NOS1AP: variants seen among roughly 807,000 people sequenced by gnomAD.
The protein encoded by NOS1AP is carboxyl-terminal PDZ ligand of neuronal nitric oxide synthase protein.
In NOS1AP, 21 loss-of-function variants were observed where a neutral mutation model predicts 56.2. The ratio of observed to expected loss-of-function variants is 0.37; its 90% CI spans 0.26 to 0.54. The LOEUF is 0.54. NOS1AP is among the 20% of genes least tolerant of loss of function. The pLI is 0.84. For synonymous variants in NOS1AP, 270 were observed against 274.6 expected (o/e 0.98, Z 0.17); for missense variants, 522 against 657.8 (o/e 0.79, Z 2.26).
At chr1:162,306,315 T>C (rs965267091) in intron 4 of NOS1AP, among the ~76,000 whole-genome samples, 1 of 152,158 alleles carries the variant, frequency 6.6e-6, no homozygotes, top group African/African-American at 2.4e-5. Flanking sequence ...GCAGGGCTAA[T>C]AGTCATGAAG....
intron 2 of NOS1AP, among the ~76,000 whole-genome samples, chr1:162,179,732 G>A (rs551815130): frequency 1.6e-4 from 25 of 152,246 alleles, no homozygotes; most frequent in Non-Finnish European, 2.6e-4. Context: ...GCACAGGGAG[G>A]GCTGGAGAGA....
Position 162,347,247 on chromosome 1 carries a change from T to C in NOS1AP, c.595+3271T>C, listed in dbSNP as rs532462236. 9.8e-5 allele frequency among the ~76,000 whole-genome samples: 15 copies of C among 152,354 alleles called. 3 individuals are homozygous for C. The South Asian group carries it at 2.7e-3, about 27-fold the overall frequency. ...TTTGGTCATGCCCATGCCCCGTTGG[T>C]GGCCTGATTGGCAGAGAGCCACATC... is the stretch of plus-strand genomic sequence containing the variant. On this transcript the variant is annotated intron_variant, in intron 6 of 9. Transcript: ENST00000361897.
At chr1:162,357,203 G>A (rs758118344) in intron 8 of NOS1AP, 67 bp downstream of exon 8, 9 of 1,566,800 alleles carry the variant, frequency 5.7e-6, no homozygotes, top group African/African-American at 4.1e-5. Context: ...CTTCCCTAGC[G>A]AGGGGCTCAG....
At chr1:162,363,406 C>A (rs868770454) in intron 8 of NOS1AP, 1 of 152,640 alleles carries the variant, frequency 6.6e-6, no homozygotes, top group Non-Finnish European at 1.5e-5. Context: ...CGTGCACCAC[C>A]CTCCAGGAAC....
At chr1:162,082,081 C>T (rs1691908187) in intron 1 of NOS1AP, among the ~76,000 whole-genome samples, 1 of 152,022 alleles carries the variant, frequency 6.6e-6, no homozygotes, top group South Asian at 2.1e-4. Flanking sequence ...GATCCTCTCC[C>T]TCTTCCCAAC....
intron 1 of NOS1AP, among the ~76,000 whole-genome samples, chr1:162,124,958 T>A (rs1349907335): frequency 6.6e-6 from 1 of 152,164 alleles, no homozygotes; most frequent in Non-Finnish European, 1.5e-5. Flanking sequence ...TTATTTTTCT[T>A]CTGTAGATAC....
At chr1:162,272,095 C>T (rs1237241884) in intron 2 of NOS1AP, among the ~76,000 whole-genome samples, 1 of 152,082 alleles carries the variant, frequency 6.6e-6, no homozygotes, top group Non-Finnish European at 1.5e-5. Flanking sequence ...TCAGGCAATC[C>T]TCCACCTCAA....
At chr1:162,122,311 A>G (rs1236773497) in intron 1 of NOS1AP, among the ~76,000 whole-genome samples, 1 of 152,212 alleles carries the variant, frequency 6.6e-6, no homozygotes, top group African/African-American at 2.4e-5. Context: ...TAACAAAATA[A>G]CTTCAATTTT....
chr1:162,321,729 A>ATATATATATATATATATAT (rs56969327), intron 4 of NOS1AP, among the ~76,000 whole-genome samples: 1 of 127,812 alleles, frequency 7.8e-6, no homozygotes, highest in African/African-American at 3.1e-5. Context: ...TAAAAAAAAA[A>ATATATATATATATATATAT]AAATATATAT....
chr1:162,187,251 G>A (rs1304880950), intron 2 of NOS1AP, among the ~76,000 whole-genome samples: 1 of 152,122 alleles, frequency 6.6e-6, no homozygotes, highest in Non-Finnish European at 1.5e-5. Context: ...ACAGGCATGA[G>A]CCACCACATT....
chr1:162,348,549 T>C (rs1488317653), intron 6 of NOS1AP, among the ~76,000 whole-genome samples: 2 of 152,222 alleles, frequency 1.3e-5, no homozygotes, highest in Non-Finnish European at 2.9e-5. Context: ...TTGGCTTCCG[T>C]ATACCACTCT....
At chr1:162,309,945 T>G (rs1655970264) in intron 4 of NOS1AP, among the ~76,000 whole-genome samples, 1 of 152,208 alleles carries the variant, frequency 6.6e-6, no homozygotes, top group Non-Finnish European at 1.5e-5. Flanking sequence ...AATTATGAGA[T>G]AAGGGAAATG....
chr1:162,081,750 C>CTATATATATAGATATATA (rs1558090531), intron 1 of NOS1AP, among the ~76,000 whole-genome samples: 3 of 108,608 alleles, frequency 2.8e-5, no homozygotes, highest in Non-Finnish European at 5.5e-5. Context: ...ATATCTATAT[C>CTATATATATAGATATATA]TATAGATATA....
At chr1:162,201,243 C>CT (rs1353490469) in intron 2 of NOS1AP, among the ~76,000 whole-genome samples, 3 of 152,142 alleles carry the variant, frequency 2.0e-5, no homozygotes, top group African/African-American at 7.2e-5. Flanking sequence ...TGATTTCATT[C>CT]TTTTTTATGG....
At chr1:162,148,356 T>C (rs112588993) in intron 1 of NOS1AP, among the ~76,000 whole-genome samples, 29 of 152,336 alleles carry the variant, frequency 1.9e-4, no homozygotes, top group African/African-American at 6.7e-4. Flanking sequence ...ATGTTTTAGC[T>C]GTGTGTTCTA....
At position 162,287,384 on chromosome 1, in the gene NOS1AP, G is replaced by A. The variant is rs1328515850; in HGVS notation, c.218G>A (p.Ser73Asn). 5.0e-6 allele frequency: 8 copies of A among 1,613,682 alleles called. No homozygotes were observed. The highest frequency in any genetic ancestry group is 5.9e-6 in the Non-Finnish European group (7 of 1,179,642). ...AAGAACATCAAGAAGAAGAAAGTGA[G>A]CATTATGGTTTCAGTGGATGGAGTG... ...KAKNIKKKKVSIMVSVDGVKV... is the reference protein window; with the variant it reads ...KAKNIKKKKVNIMVSVDGVKV... The change falls in exon 3 of 10, where the codon AGC (serine) becomes AAC (asparagine). Residue 73 changes from serine (S) to asparagine (N), a missense_variant. Ser to Asn is a conservative substitution (Grantham distance 46). Coordinates refer to ENST00000361897, the MANE Select transcript of NOS1AP (RefSeq NM_014697.3).
Position 162,367,306 on chromosome 1 carries a change from C to G in NOS1AP, c.1360C>G (p.Leu454Val). The change falls in exon 10 of 10, where the codon CTC (leucine) becomes GTC (valine). Residue 454 changes from leucine to valine, a missense_variant. Leu to Val is a conservative substitution (Grantham distance 32). Coordinates refer to ENST00000361897, the MANE Select transcript of NOS1AP (RefSeq NM_014697.3). The surrounding 1 kb of genome is among the most constrained non-coding windows in gnomAD (Gnocchi z 6.5). ...CGAGGCGCTCCTGGGCGGTCTGGAG[C>G]TCATCAAGTTCCGAGAGTCAGGCAT... ...QGEALLGGLE[L>V]IKFRESGIAS... The G allele has an allele frequency of 6.2e-7, 1 of 1,613,422 alleles. No homozygotes were observed. Among genetic ancestry groups the G allele is most frequent in the Non-Finnish European group, 8.5e-7 (1 of 1,179,944 alleles).
At chr1:162,073,874 G>A (rs1181661476) in intron 1 of NOS1AP, among the ~76,000 whole-genome samples, 1 of 152,194 alleles carries the variant, frequency 6.6e-6, no homozygotes, top group East Asian at 1.9e-4. Context: ...TGATGCTGGT[G>A]GGTGGGTAAA....
At chr1:162,088,222 CTGTT>C (rs1230929557) in intron 1 of NOS1AP, among the ~76,000 whole-genome samples, 3 of 152,160 alleles carry the variant, frequency 2.0e-5, no homozygotes, top group African/African-American at 7.2e-5. Context: ...TTGTTGCTGA[CTGTT>C]TGAGGGCTAA....
Sources: allele counts gnomAD v4.1 joint callset (sites outside exome capture counted in the v4.1 genomes callset), GRCh38; gene constraint gnomAD v4.1.1; non-coding constraint Gnocchi (gnomAD v3.1); transcripts MANE v1.5; gene names NCBI Gene and HGNC (gene_info 2026-07-23, HGNC 2026-07-21).